The following PPEF1 variants were observed in gnomAD, a reference collection of about 807,000 sequenced individuals.
PPEF1 encodes serine/threonine-protein phosphatase with EF-hands 1.
PPEF1 carries 12 observed loss-of-function variants against 53.3 expected under a neutral mutation model. That is an observed-to-expected ratio of 0.23 (90% CI 0.14 to 0.36). The LOEUF (loss-of-function observed/expected upper bound fraction) is 0.36, where lower values mean the gene tolerates loss of function less well. Among genes scored for constraint, PPEF1 ranks in the 10% least tolerant of loss-of-function variants. PPEF1 has a pLI of 1.00. For synonymous variants in PPEF1, 165 were observed against 176.7 expected (o/e 0.93, Z 0.52); for missense variants, 334 against 490.4 (o/e 0.68, Z 3.01).
chrX:18,774,927 A>C lies in PPEF1; in HGVS notation c.559-4083A>C, dbSNP rs924384223. Among the ~76,000 whole-genome samples, 3 of 111,262 alleles carry C rather than the reference A, an allele frequency of 2.7e-5. No individual in the cohort carries two copies. The Admixed American group carries it at 2.9e-4, about 11-fold the overall frequency. On this transcript the variant is annotated intron_variant, in intron 6 of 15. Coordinates refer to ENST00000470157, the MANE Select transcript of PPEF1 (RefSeq NM_001377996.1). Reference sequence around the variant, plus strand: ...CAATTGTGTGTAGAAGTCGTGTTTCAAGCTTCAAATTGAAGTCTTTTTTTT... The same window carrying C: ...CAATTGTGTGTAGAAGTCGTGTTTCCAGCTTCAAATTGAAGTCTTTTTTTT...
upstream of PPEF1, among the ~76,000 whole-genome samples, chrX:18,707,369 AT>A (rs2044224146): frequency 1.8e-5 from 2 of 111,743 alleles, no homozygotes; most frequent in Admixed American, 1.9e-4. Flanking sequence ...ACACTCTCAT[AT>A]TTCGATTTTT....
chrX:18,707,724 A>G lies in PPEF1; in HGVS notation c.-57A>G, dbSNP rs768787229. 8.1e-6 allele frequency: 9 copies of G among 1,113,685 alleles called. No individual in the cohort carries two copies. In the South Asian group the frequency reaches 1.5e-4, roughly 18 times the overall value. 91.8% of individuals were successfully genotyped at this position (1,113,685 alleles called of 1,213,427 possible). A position where few individuals can be genotyped will look rare whatever the true frequency, so the allele number is the denominator to read the frequency against. On this transcript the variant is annotated 5_prime_UTR_variant, in exon 1 of 16. Coordinates refer to ENST00000470157, the MANE Select transcript of PPEF1 (RefSeq NM_001377996.1). ...CAGCTTAAAGGGAGGCACTTTTCAC[A>G]CTCTGTCTTAAAATCAGAAGTTGAA... is the stretch of plus-strand genomic sequence containing the variant.
At chrX:18,742,889 C>T (rs761837785) in intron 3 of PPEF1, among the ~76,000 whole-genome samples, 12 of 111,083 alleles carry the variant, frequency 1.1e-4, no homozygotes, top group Non-Finnish European at 2.1e-4. Flanking sequence ...CTTTTTCTCA[C>T]GCAGCCTTTC....
chrX:18,805,672 G>C (rs1244394851), intron 11 of PPEF1, among the ~76,000 whole-genome samples: 11 of 109,076 alleles, frequency 1.0e-4, no homozygotes, highest in African/African-American at 3.7e-4. Flanking sequence ...GTAAGACCCT[G>C]TCTCTACTAA....
chrX:18,703,155 C>T (rs2044121929), upstream of PPEF1, among the ~76,000 whole-genome samples: 1 of 111,185 alleles, frequency 9.0e-6, no homozygotes, highest in Non-Finnish European at 1.9e-5. Context: ...TCCCTCTCTC[C>T]TGGAAGTCTA....
At chrX:18,825,698 G>A (rs1415642644) in intron 14 of PPEF1, 53 bp from the exon 15 acceptor site, 7 of 765,187 alleles carry the variant, frequency 9.1e-6, no homozygotes, top group South Asian at 3.1e-5. Context: ...TGCTAAAAGC[G>A]ATCAGTGTCA....
chrX:18,707,822 C>T lies in PPEF1; in HGVS notation c.42C>T (p.Asp14=), dbSNP rs755257386. Residue 14 remains aspartate, a synonymous_variant, in exon 1 of 16, where the codon GAC becomes GAT. Coordinates refer to ENST00000470157, the MANE Select transcript of PPEF1 (RefSeq NM_001377996.1). ...CTTCAACGAAAACCAGGAGATCTGA[C>T]ACATGTGAGTACTGGGAATGTGCCT... ...SSSSTKTRRS[D]TSLRAALIIQ... is the part of the protein sequence containing the mutation. The T allele has an allele frequency of 8.3e-7, 1 of 1,206,157 alleles. No homozygotes were observed. Among genetic ancestry groups the T allele is most frequent in the Non-Finnish European group, 1.1e-6 (1 of 890,440 alleles).
intron 9 of PPEF1, among the ~76,000 whole-genome samples, chrX:18,788,292 A>G (rs373464867): frequency 2.5e-4 from 24 of 94,944 alleles, no homozygotes; most frequent in Non-Finnish European, 4.0e-4. Context: ...GGGACAGAGC[A>G]AGACTCTGTC....
chrX:18,728,144 C>T (rs1038175625), intron 1 of PPEF1, among the ~76,000 whole-genome samples: 2 of 110,307 alleles, frequency 1.8e-5, no homozygotes, highest in African/African-American at 6.6e-5. Context: ...GTATCAGGGC[C>T]ATGGATGAAA....
intron 15 of PPEF1, among the ~76,000 whole-genome samples, chrX:18,826,116 A>T (rs1469797445): frequency 1.8e-5 from 2 of 111,594 alleles, no homozygotes; most frequent in African/African-American, 6.5e-5. Flanking sequence ...CTGAAATCAG[A>T]ACTCTGATTT....
At chrX:18,684,028 C>T (rs1465605925) in intron 1 of PPEF1, among the ~76,000 whole-genome samples, 3 of 112,151 alleles carry the variant, frequency 2.7e-5, no homozygotes, top group African/African-American at 9.7e-5. Context: ...TTGCACATAG[C>T]TCACCCGTAG....
In PPEF1 at chrX:18,689,339, G is replaced by A. The variant is rs776981316; in HGVS notation, c.-425-1643G>A. Among the ~76,000 whole-genome samples, 11 of 107,110 alleles carry A rather than the reference G, an allele frequency of 1.0e-4. 1 individual carries two copies. Among genetic ancestry groups the A allele is most frequent in the South Asian group, 4.4e-4 (1 of 2,290 alleles). 93.0% of individuals were successfully genotyped at this position (107,110 alleles called of 115,157 possible). A position where few individuals can be genotyped will look rare whatever the true frequency, so the allele number is the denominator to read the frequency against. ...CTCTGTAAAAAATAAAAAATTAGCC[G>A]AGTGTGGTGGCGGGCACCTGTAGTC... is the stretch of plus-strand genomic sequence containing the variant. On this transcript the variant is annotated intron_variant, in intron 3 of 21. Transcript: ENST00000361511.
At chrX:18,826,912 C>A (rs16980894) in intron 15 of PPEF1, among the ~76,000 whole-genome samples, 1 of 110,420 alleles carries the variant, frequency 9.1e-6, no homozygotes, top group Non-Finnish European at 1.9e-5. Context: ...TGACTCCCAC[C>A]GTATCTTCTC....
intron 2 of PPEF1, 106 bp from the exon 3 acceptor site, chrX:18,733,642 C>G: frequency 1.6e-6 from 1 of 615,079 alleles, no homozygotes; most frequent in Non-Finnish European, 2.5e-6. Flanking sequence ...AGCTGAGATA[C>G]AAATGCCCCA....
intron 6 of PPEF1, among the ~76,000 whole-genome samples, chrX:18,765,981 C>T (rs2045757033): frequency 1.9e-5 from 2 of 105,012 alleles, no homozygotes; most frequent in South Asian, 9.0e-4. Context: ...AGGAGAATCG[C>T]TTGAACCCGG....
chrX:18,775,634 C>T (rs1569261892), intron 6 of PPEF1, among the ~76,000 whole-genome samples: 1 of 112,498 alleles, frequency 8.9e-6, no homozygotes, highest in Non-Finnish European at 1.9e-5. Flanking sequence ...AACTAGTTCT[C>T]TGTTTCCTCC....
At chrX:18,778,448 C>T in intron 6 of PPEF1, among the ~76,000 whole-genome samples, 1 of 111,373 alleles carries the variant, frequency 9.0e-6, no homozygotes, top group Non-Finnish European at 1.9e-5. Context: ...TAGTTGCTCG[C>T]TGGCAGTACA....
Position 18,707,804 on chromosome X carries a change from G to A in PPEF1, c.24G>A (p.Thr8=), listed in dbSNP as rs2044233082. The change falls in exon 1 of 16, where the codon ACG becomes ACA. Residue 8 remains threonine, a synonymous_variant. Transcript: ENST00000470157. ...TCATGGGATGCAGCAGTTCTTCAAC[G>A]AAAACCAGGAGATCTGACACATGTG... MGCSSSS[T]KTRRSDTSLR... 6.6e-6 allele frequency: 8 copies of A among 1,209,311 alleles called. No homozygotes were observed. Among genetic ancestry groups the A allele is most frequent in the Non-Finnish European group, 9.0e-6 (8 of 893,320 alleles).
At chrX:18,777,485 T>C (rs1187323943) in intron 6 of PPEF1, among the ~76,000 whole-genome samples, 1 of 112,298 alleles carries the variant, frequency 8.9e-6, no homozygotes, top group East Asian at 2.8e-4. Flanking sequence ...GGTAGCCATT[T>C]TGTTTTTCTT....
Sources: allele counts gnomAD v4.1 joint callset (sites outside exome capture counted in the v4.1 genomes callset), GRCh38; gene constraint gnomAD v4.1.1; transcripts MANE v1.5; gene names NCBI Gene and HGNC (gene_info 2026-07-23, HGNC 2026-07-21).